Variants in DOCK1 observed in about 807,000 individuals in gnomAD.
DOCK1 encodes dedicator of cytokinesis 1.
A neutral mutation model predicts 262.7 loss-of-function variants in DOCK1; 138 were observed. That is an observed-to-expected ratio of 0.53 (90% CI 0.46 to 0.61). The LOEUF is 0.61. DOCK1 is among the 20% of genes least tolerant of loss of function. DOCK1 has a pLI of 0.00. For synonymous variants in DOCK1, 866 were observed against 867.4 expected, an observed-to-expected ratio of 1.00 and a Z score of 0.03; for missense variants, 1,908 against 2,370.7, an observed-to-expected ratio of 0.80 and a Z score of 4.05.
intron 46 of DOCK1, among the ~76,000 whole-genome samples, chr10:127,423,252 C>G (rs979686224): frequency 6.6e-6 from 1 of 152,128 alleles, no homozygotes; most frequent in Non-Finnish European, 1.5e-5. Flanking sequence ...CTGAAACTAT[C>G]AGGGCAGAGT....
rs1001730332 is a variant in DOCK1 at position 127,061,812 on chromosome 10, T to C, written c.2445+36T>C. On this transcript the variant is annotated intron_variant, in intron 23 of 51. Transcript: ENST00000623213. ...GCCACTGCCAAGGCAGACTTCTCCT[T>C]CTTTTTTTCTTTCATTATCTCTTTT... is the stretch of plus-strand genomic sequence containing the variant. The C allele has an allele frequency of 4.7e-6, 7 of 1,498,926 alleles. No individual in the cohort carries two copies. In the African/African-American group the frequency reaches 9.9e-5, roughly 21 times the overall value. The allele number at this position is 1,498,926 out of a possible 1,614,324, so 92.9% of individuals were successfully genotyped here.
intron 6 of DOCK1, among the ~76,000 whole-genome samples, chr10:126,992,478 C>T (rs2039859874): frequency 6.6e-6 from 1 of 152,250 alleles, no homozygotes; most frequent in Non-Finnish European, 1.5e-5. Context: ...CTAGTTCTTC[C>T]TTCAGAAAAC....
At chr10:127,321,344 C>T (rs1370429011) in intron 29 of DOCK1, among the ~76,000 whole-genome samples, 2 of 120,064 alleles carry the variant, frequency 1.7e-5, no homozygotes, top group Non-Finnish European at 1.7e-5. Context: ...ATCCTCCCTT[C>T]TCTCGCTCTC....
At chr10:126,951,950 A>G (rs2036288966) in intron 1 of DOCK1, among the ~76,000 whole-genome samples, 1 of 151,356 alleles carries the variant, frequency 6.6e-6, no homozygotes, top group Non-Finnish European at 1.5e-5. Flanking sequence ...CCTGGGTTCA[A>G]GCGATTTTCC....
intron 33 of DOCK1, among the ~76,000 whole-genome samples, chr10:127,371,124 G>T (rs1565034695): frequency 1.3e-5 from 2 of 152,210 alleles, no homozygotes. Context: ...CTCCAATTTA[G>T]TGGGACAGGA....
At chr10:127,017,596 C>T (rs975496539) in intron 12 of DOCK1, among the ~76,000 whole-genome samples, 4 of 152,018 alleles carry the variant, frequency 2.6e-5, no homozygotes, top group Non-Finnish European at 4.4e-5. Flanking sequence ...CAGTGACTCA[C>T]ACAGACATAC....
chr10:127,344,523 T>C (rs999270282), intron 31 of DOCK1: 3 of 152,232 alleles, frequency 2.0e-5, no homozygotes, highest in African/African-American at 7.2e-5. Flanking sequence ...TTTGTCATTT[T>C]ATAAATACCT....
At chr10:127,422,021 A>T (rs1424023532) in intron 46 of DOCK1, among the ~76,000 whole-genome samples, 1 of 152,108 alleles carries the variant, frequency 6.6e-6, no homozygotes, top group African/African-American at 2.4e-5. Flanking sequence ...TTGCTGGCTC[A>T]TGTGGTATTC....
At chr10:127,264,689 C>G (rs1244669751) in intron 29 of DOCK1, among the ~76,000 whole-genome samples, 3 of 151,848 alleles carry the variant, frequency 2.0e-5, no homozygotes, top group Admixed American at 2.0e-4. Context: ...AAGACAGGGT[C>G]TCACTCTGTT....
At chr10:127,073,573 A>G (rs1431900803) in intron 23 of DOCK1, among the ~76,000 whole-genome samples, 2 of 152,168 alleles carry the variant, frequency 1.3e-5, no homozygotes, top group Non-Finnish European at 1.5e-5. Context: ...CATTTGAGGG[A>G]AAAGTGGCTG....
intron 1 of DOCK1, among the ~76,000 whole-genome samples, chr10:126,921,072 C>T (rs1426404083): frequency 1.3e-5 from 2 of 151,978 alleles, no homozygotes; most frequent in Non-Finnish European, 2.9e-5. Context: ...TGGTGGTTCG[C>T]ACCTGTAATA....
intron 3 of DOCK1, 127 bp downstream of exon 3, chr10:126,978,115 A>G (rs1272073104): frequency 4.4e-6 from 4 of 916,182 alleles, no homozygotes; most frequent in South Asian, 3.0e-5. Flanking sequence ...TTAAAAAAAT[A>G]TATGGGTAGG....
chr10:127,268,835 T>C lies in DOCK1; in HGVS notation c.3044+11406T>C, dbSNP rs557671839. Among the ~76,000 whole-genome samples the C allele has an allele frequency of 3.3e-5, 5 of 152,270 alleles. No individual in the cohort carries two copies. The South Asian group carries it at 1.0e-3, about 32-fold the overall frequency. Reference sequence around the variant, plus strand: ...CATTGGAATCACAGTGACATGAATGTACATGCCAGGGCTGCCTCCAGTCCT... The same window carrying C: ...CATTGGAATCACAGTGACATGAATGCACATGCCAGGGCTGCCTCCAGTCCT... On this transcript the variant is annotated intron_variant, in intron 29 of 51. Transcript: ENST00000623213.
At chr10:127,338,489 A>G (rs2063293112) in intron 29 of DOCK1, among the ~76,000 whole-genome samples, 1 of 152,240 alleles carries the variant, frequency 6.6e-6, no homozygotes, top group Non-Finnish European at 1.5e-5. Flanking sequence ...CTAGTAAAAT[A>G]GTGGTCAAAA....
intron 27 of DOCK1, among the ~76,000 whole-genome samples, chr10:127,151,154 A>T (rs2133462981): frequency 6.6e-6 from 1 of 152,298 alleles, no homozygotes; most frequent in African/African-American, 2.4e-5. Flanking sequence ...AACCACCTTA[A>T]GAGTAATCGT....
chr10:127,130,226 G>T (rs2133134521), intron 27 of DOCK1, among the ~76,000 whole-genome samples: 2 of 151,962 alleles, frequency 1.3e-5, no homozygotes, highest in East Asian at 3.9e-4. Context: ...TGGGATTACA[G>T]GTGCACATCA....
chr10:127,235,044 AC>A (rs2058997825), intron 27 of DOCK1, among the ~76,000 whole-genome samples: 1 of 148,950 alleles, frequency 6.7e-6, no homozygotes, highest in Non-Finnish European at 1.5e-5. Context: ...ATATACTTAT[AC>A]ATAAATCTAT....
intron 49 of DOCK1, among the ~76,000 whole-genome samples, chr10:127,443,040 A>AT (rs1323211021): frequency 6.6e-6 from 1 of 151,946 alleles, no homozygotes; most frequent in African/African-American, 2.4e-5. Flanking sequence ...GGCAGGGCTG[A>AT]TTCCTTCAGA....
intron 27 of DOCK1, among the ~76,000 whole-genome samples, chr10:127,239,954 ATG>A (rs1279377605): frequency 1.3e-5 from 2 of 152,050 alleles, no homozygotes; most frequent in African/African-American, 4.8e-5. Context: ...AAATGTGAAT[ATG>A]TGTTTAAATT....
Sources: gnomAD v4.1 joint callset for allele counts (sites outside exome capture counted in the v4.1 genomes callset) on GRCh38, gnomAD v4.1.1 for gene constraint, MANE v1.5 for transcripts, NCBI Gene and HGNC (gene_info 2026-07-23, HGNC 2026-07-21) for gene names.